The following CNTNAP5 variants were observed in gnomAD, a reference collection of about 807,000 sequenced individuals.
CNTNAP5 encodes contactin-associated protein-like 5.
A neutral mutation model predicts 150.2 loss-of-function variants in CNTNAP5; 72 were observed. The observed-to-expected ratio is 0.48, with a 90% confidence interval of 0.40 to 0.58. The LOEUF (loss-of-function observed/expected upper bound fraction) is 0.58, where lower values mean the gene tolerates loss of function less well. Among genes scored for constraint, CNTNAP5 ranks in the 20% least tolerant of loss-of-function variants. The pLI is 0.00. For missense variants in CNTNAP5, 1,636 were observed against 1,626.2 expected (o/e 1.01, Z -0.10); for synonymous variants, 672 against 619.8 (o/e 1.08, Z -1.25).
chr2:124,186,013 G>T (rs761403702), intron 1 of CNTNAP5, among the ~76,000 whole-genome samples: 1 of 152,206 alleles, frequency 6.6e-6, no homozygotes, highest in African/African-American at 2.4e-5. Flanking sequence ...ACTATGTATT[G>T]TATAGAGCAG....
intron 1 of CNTNAP5, among the ~76,000 whole-genome samples, chr2:124,050,022 A>G (rs1375340315): frequency 6.6e-6 from 1 of 152,080 alleles, no homozygotes; most frequent in African/African-American, 2.4e-5. Context: ...CTACTTCCTA[A>G]TAGTGTCACC....
chr2:124,580,712 C>A (rs577338219), intron 11 of CNTNAP5, among the ~76,000 whole-genome samples: 16 of 152,302 alleles, frequency 1.1e-4, no homozygotes, highest in African/African-American at 3.8e-4. Flanking sequence ...GCTGTCCATC[C>A]CCATCTCTCA....
chr2:124,651,286 G>A (rs1025663491), intron 13 of CNTNAP5, among the ~76,000 whole-genome samples: 1 of 152,206 alleles, frequency 6.6e-6, no homozygotes, highest in African/African-American at 2.4e-5. Context: ...AAATCAATAA[G>A]AGAATGTGGG....
chr2:124,275,025 G>A (rs1687852949), intron 3 of CNTNAP5, among the ~76,000 whole-genome samples: 1 of 152,184 alleles, frequency 6.6e-6, no homozygotes, highest in African/African-American at 2.4e-5. Context: ...GGAGGAGCAA[G>A]TCACATTTTA....
intron 4 of CNTNAP5, among the ~76,000 whole-genome samples, chr2:124,430,880 G>A (rs963602341): frequency 2.6e-5 from 4 of 152,144 alleles, no homozygotes; most frequent in East Asian, 1.9e-4. Flanking sequence ...TCACTACTGA[G>A]TACTTTCTTT....
intron 5 of CNTNAP5, among the ~76,000 whole-genome samples, chr2:124,435,835 G>T (rs370480000): frequency 6.6e-6 from 1 of 152,052 alleles, no homozygotes; most frequent in Non-Finnish European, 1.5e-5. Context: ...TATAGGCAGC[G>T]GTAGCAGAAA....
At chr2:124,121,908 C>A (rs552273399) in intron 1 of CNTNAP5, among the ~76,000 whole-genome samples, 1 of 152,288 alleles carries the variant, frequency 6.6e-6, no homozygotes, top group African/African-American at 2.4e-5. Context: ...CTGCTGTGAA[C>A]TGTACAAGAC....
intron 3 of CNTNAP5, among the ~76,000 whole-genome samples, chr2:124,342,812 A>G (rs1004667422): frequency 6.6e-6 from 1 of 151,954 alleles, no homozygotes; most frequent in Non-Finnish European, 1.5e-5. Context: ...TATAAAAAGA[A>G]TCAGCAATGT....
intron 10 of CNTNAP5, among the ~76,000 whole-genome samples, chr2:124,544,652 G>A (rs1287996984): frequency 6.6e-6 from 1 of 152,170 alleles, no homozygotes; most frequent in Non-Finnish European, 1.5e-5. Flanking sequence ...AACTCAAAAT[G>A]TGTGATACAT....
At chr2:124,468,695 G>A (rs1693436682) in intron 6 of CNTNAP5, among the ~76,000 whole-genome samples, 1 of 152,184 alleles carries the variant, frequency 6.6e-6, no homozygotes, top group African/African-American at 2.4e-5. Flanking sequence ...CTAAGGGAGT[G>A]AGATGTAGTC....
chr2:124,420,075 C>T (rs1692061947), intron 4 of CNTNAP5, among the ~76,000 whole-genome samples: 1 of 147,140 alleles, frequency 6.8e-6, no homozygotes, highest in African/African-American at 2.5e-5. Flanking sequence ...ACTGCAACCT[C>T]CGCCTCCTGA....
intron 3 of CNTNAP5, among the ~76,000 whole-genome samples, chr2:124,369,185 T>A (rs1159896059): frequency 6.6e-6 from 1 of 152,140 alleles, no homozygotes; most frequent in Non-Finnish European, 1.5e-5. Context: ...TCTCTACCCA[T>A]CCAATTGTTT....
At chr2:124,472,608 C>T (rs1693542464) in intron 6 of CNTNAP5, among the ~76,000 whole-genome samples, 1 of 150,752 alleles carries the variant, frequency 6.6e-6, no homozygotes, top group Non-Finnish European at 1.5e-5. Context: ...ACCATCATAC[C>T]TTGCAGGTAT....
chr2:124,058,529 C>T (rs1681917764), intron 1 of CNTNAP5, among the ~76,000 whole-genome samples: 1 of 152,096 alleles, frequency 6.6e-6, no homozygotes, highest in South Asian at 2.1e-4. Flanking sequence ...ATTTTCCATG[C>T]TTTCAAAAAT....
rs866221673 is a variant in CNTNAP5 at position 124,524,285 on chromosome 2, C to T, written c.1328-18C>T. ...TGGACCCATCATCTCTATGCTTACT[C>T]TCTTGTTTCTCTTGCAGGCAGCAAC... On this transcript the variant is annotated intron_variant, in intron 8 of 23. Coordinates refer to ENST00000682447, the MANE Select transcript of CNTNAP5 (RefSeq NM_001367498.1). The T allele has an allele frequency of 1.9e-6, 3 of 1,613,476 alleles. No homozygotes were observed. Among genetic ancestry groups the T allele is most frequent in the Non-Finnish European group, 2.5e-6 (3 of 1,179,634 alleles).
At chr2:124,339,899 T>C (rs895381762) in intron 3 of CNTNAP5, among the ~76,000 whole-genome samples, 45 of 152,072 alleles carry the variant, frequency 3.0e-4, no homozygotes, top group African/African-American at 9.7e-4. Flanking sequence ...ATAGAATCAG[T>C]TGAGTTATGA....
At chr2:124,679,870 C>A (rs1316832057) in intron 13 of CNTNAP5, among the ~76,000 whole-genome samples, 1 of 151,774 alleles carries the variant, frequency 6.6e-6, no homozygotes, top group Non-Finnish European at 1.5e-5. Flanking sequence ...GGCCTCATAT[C>A]TTATTACGGT....
rs576257668 is a variant in CNTNAP5 at position 124,843,927 on chromosome 2, A to G, written c.3218-21379A>G. Reference sequence around the variant, plus strand: ...TATTAGTCCTTTTTCAGATGTATAGATTGTGAATATTTTCTCCCACTCTGG... The same window carrying G: ...TATTAGTCCTTTTTCAGATGTATAGGTTGTGAATATTTTCTCCCACTCTGG... On this transcript the variant is annotated intron_variant, in intron 19 of 23. Transcript: ENST00000682447. Among the ~76,000 whole-genome samples, 36 of 152,044 alleles carry G rather than the reference A, an allele frequency of 2.4e-4. 1 individual carries two copies. In the South Asian group the frequency reaches 7.3e-3, roughly 31 times the overall value.
At chr2:124,674,240 T>C (rs1048947621) in intron 13 of CNTNAP5, among the ~76,000 whole-genome samples, 5 of 152,220 alleles carry the variant, frequency 3.3e-5, no homozygotes, top group African/African-American at 1.2e-4. Context: ...TAATCTTTAA[T>C]ATTCCTTCTC....
Sources: allele counts gnomAD v4.1 joint callset (sites outside exome capture counted in the v4.1 genomes callset), GRCh38; gene constraint gnomAD v4.1.1; transcripts MANE v1.5; gene names NCBI Gene and HGNC (gene_info 2026-07-23, HGNC 2026-07-21).